TENM4: variants seen among roughly 807,000 people sequenced by gnomAD.
TENM4 encodes teneurin-4.
TENM4 carries 82 observed loss-of-function variants against 243.3 expected under a neutral mutation model. The ratio of observed to expected loss-of-function variants is 0.34; its 90% CI spans 0.28 to 0.40. The LOEUF (loss-of-function observed/expected upper bound fraction) is 0.40, where lower values mean the gene tolerates loss of function less well. Ranked by LOEUF, TENM4 falls within the 10% of genes least tolerant of loss-of-function variation. The pLI is 1.00. For missense variants in TENM4, 3,138 were observed against 3,673.3 expected (o/e 0.85, Z 3.77); for synonymous variants, 1,412 against 1,456.3 (o/e 0.97, Z 0.69).
chr11:79,303,763 A>C (rs571675738), intron 1 of TENM4, among the ~76,000 whole-genome samples: 1 of 152,308 alleles, frequency 6.6e-6, no homozygotes, highest in African/African-American at 2.4e-5. Flanking sequence ...AGTTACTATA[A>C]ATTTTAGTTA....
intron 4 of TENM4, among the ~76,000 whole-genome samples, chr11:79,115,914 A>T (rs1333865372): frequency 6.6e-6 from 1 of 152,098 alleles, no homozygotes; most frequent in Non-Finnish European, 1.5e-5. Context: ...AGGTTTCTCT[A>T]CTCTGATGAG....
intron 8 of TENM4, among the ~76,000 whole-genome samples, chr11:78,890,753 G>C (rs1193869599): frequency 6.6e-6 from 1 of 152,204 alleles, no homozygotes; most frequent in Non-Finnish European, 1.5e-5. Flanking sequence ...AAAGCACATG[G>C]TTGTGACCAA....
chr11:78,780,207 A>C (rs1856814339), intron 16 of TENM4, among the ~76,000 whole-genome samples: 1 of 152,220 alleles, frequency 6.6e-6, no homozygotes. Flanking sequence ...CCCACACGAA[A>C]AATGGCCTAG....
At chr11:79,053,103 A>T (rs953372170) in intron 6 of TENM4, among the ~76,000 whole-genome samples, 2 of 152,232 alleles carry the variant, frequency 1.3e-5, no homozygotes, top group Non-Finnish European at 2.9e-5. Context: ...GATAGTAATT[A>T]TATATACAAA....
At chr11:78,706,767 G>A (rs1052965157) in intron 27 of TENM4, among the ~76,000 whole-genome samples, 1 of 152,158 alleles carries the variant, frequency 6.6e-6, no homozygotes, top group Non-Finnish European at 1.5e-5. Context: ...TCGGCACCCT[G>A]TGCTGGCTGG....
chr11:78,791,209 T>C (rs1423508006), intron 15 of TENM4, among the ~76,000 whole-genome samples: 1 of 152,210 alleles, frequency 6.6e-6, no homozygotes, highest in Non-Finnish European at 1.5e-5. Context: ...ACTTTACCAT[T>C]TGGCCTCAAG....
chr11:79,066,753 C>CAT (rs1860269765), intron 5 of TENM4, among the ~76,000 whole-genome samples: 1 of 151,968 alleles, frequency 6.6e-6, no homozygotes. Flanking sequence ...CACACACGCA[C>CAT]GCACAAGCAC....
chr11:78,891,158 G>T (rs938872325), intron 8 of TENM4, 80 bp downstream of exon 8: 7 of 1,329,524 alleles, frequency 5.3e-6, no homozygotes, highest in African/African-American at 1.5e-5. Flanking sequence ...AGATCCCAGG[G>T]AAAGGTCTCA....
intron 7 of TENM4, among the ~76,000 whole-genome samples, chr11:78,895,575 A>T (rs66548239): frequency 0.1 from 15,339 of 151,370 alleles, 1,024 homozygotes; most frequent in African/African-American, 0.2. Context: ...ACTCCCCAAA[A>T]CTCTAGGTGT....
At chr11:79,056,845 G>A (rs1323277212) in intron 6 of TENM4, among the ~76,000 whole-genome samples, 7 of 152,306 alleles carry the variant, frequency 4.6e-5, no homozygotes, top group African/African-American at 7.2e-5. Context: ...TAAAGGACCC[G>A]GAACTGGGCC....
chr11:78,883,859 T>C (rs1417381055), intron 9 of TENM4, among the ~76,000 whole-genome samples: 1 of 152,208 alleles, frequency 6.6e-6, no homozygotes, highest in South Asian at 2.1e-4. Context: ...GAGACATCCC[T>C]ACAAATGTTT....
At chr11:78,864,551 C>G (rs1343809799) in intron 9 of TENM4, among the ~76,000 whole-genome samples, 1 of 151,812 alleles carries the variant, frequency 6.6e-6, no homozygotes, top group Non-Finnish European at 1.5e-5. Flanking sequence ...GAACATTGTC[C>G]CTTGAGATAT....
chr11:79,437,855 A>C (rs908094662), intron 1 of TENM4, among the ~76,000 whole-genome samples: 2 of 152,138 alleles, frequency 1.3e-5, no homozygotes, highest in African/African-American at 4.8e-5. Flanking sequence ...CGGCTGGACC[A>C]GAGCCCCTCT....
intron 32 of TENM4, among the ~76,000 whole-genome samples, chr11:78,662,605 G>T (rs1230878280): frequency 6.6e-6 from 1 of 152,174 alleles, no homozygotes; most frequent in South Asian, 2.1e-4. Context: ...TGTGGGGATA[G>T]ATAGGATTTT....
rs761865864 is a variant in TENM4, at chr11:79,064,850, G to T, written c.381C>A (p.His127Gln). 6.4e-7 allele frequency: 1 copy of T among 1,551,438 alleles called. No homozygotes were observed. Among genetic ancestry groups the T allele is most frequent in the African/African-American group, 1.4e-5 (1 of 73,170 alleles). The stretch of plus-strand genomic sequence containing the variant: ...TGCTCCGGCCCCACAGACGCACGGG[G>T]TGCTCAGGGGACAGCACCGTGTCAG... ...MEADTVLSPE[H>Q]PVRLWGRSTR... is the part of the protein sequence containing the mutation. Residue 127 changes from histidine to glutamine, a missense_variant, in exon 6 of 34, where the codon CAC becomes CAA. By Grantham distance (24) the His-to-Gln change is conservative. Transcript: ENST00000278550.
chr11:79,371,191 A>G (rs1450129443), intron 1 of TENM4, among the ~76,000 whole-genome samples: 2 of 152,242 alleles, frequency 1.3e-5, no homozygotes, highest in African/African-American at 4.8e-5. Context: ...AGGTGGCTTC[A>G]TGTCAGTGTG....
chr11:79,181,850 A>T (rs1863287174), intron 3 of TENM4, among the ~76,000 whole-genome samples: 1 of 152,044 alleles, frequency 6.6e-6, no homozygotes, highest in African/African-American at 2.4e-5. Context: ...TACCGTTTAC[A>T]TTAGCACCAC....
Position 79,074,835 on chromosome 11 carries a change from C to T in TENM4, c.-65-4826G>A, listed in dbSNP as rs143120281. Among the ~76,000 whole-genome samples, 520 of 152,302 alleles carry T rather than the reference C, an allele frequency of 3.4e-3. 4 individuals are homozygous for T. The highest frequency in any genetic ancestry group is 0.014 in the South Asian group (69 of 4,826). On this transcript the variant is annotated intron_variant, in intron 4 of 33. Transcript: ENST00000278550. ...ACAGGTAGCCCCTCCTCCAGGCCTC[C>T]GCTTCATACTGGGCTCTGCTAACAT...
intron 2 of TENM4, among the ~76,000 whole-genome samples, chr11:79,287,849 TC>T (rs1856284516): frequency 6.6e-6 from 1 of 152,044 alleles, no homozygotes; most frequent in African/African-American, 2.4e-5. Flanking sequence ...AGCTCAGAAG[TC>T]ACACTGCATC....
Sources: allele counts gnomAD v4.1 joint callset (sites outside exome capture counted in the v4.1 genomes callset), GRCh38; gene constraint gnomAD v4.1.1; transcripts MANE v1.5; gene names NCBI Gene and HGNC (gene_info 2026-07-23, HGNC 2026-07-21).